CCDC85A: variants seen among roughly 807,000 people sequenced by gnomAD.
CCDC85A encodes coiled-coil domain-containing protein 85A.
CCDC85A carries 38 observed loss-of-function variants against 50.2 expected under a neutral mutation model. The observed-to-expected ratio is 0.76, with a 90% CI of 0.58 to 0.99. CCDC85A has a LOEUF of 0.99. Ranked by LOEUF, CCDC85A falls within the 50% of genes least tolerant of loss-of-function variation. The pLI is 0.00. For missense variants in CCDC85A, 820 were observed against 742.0 expected, an observed-to-expected ratio of 1.11 and a Z score of -1.22; for synonymous variants, 366 against 301.4, an observed-to-expected ratio of 1.21 and a Z score of -2.22.
chr2:56,364,066 A>G (rs1000755069), intron 3 of CCDC85A, among the ~76,000 whole-genome samples: 3 of 152,214 alleles, frequency 2.0e-5, no homozygotes, highest in Non-Finnish European at 4.4e-5. Flanking sequence ...AGTTAATAAA[A>G]GTCAAGTATT....
At chr2:56,243,765 C>G (rs2103971989) in intron 2 of CCDC85A, among the ~76,000 whole-genome samples, 1 of 152,232 alleles carries the variant, frequency 6.6e-6, no homozygotes, top group South Asian at 2.1e-4. Flanking sequence ...CTTGTTTGTA[C>G]CTATCCTTCT....
chr2:56,374,496 T>A (rs908851700), intron 4 of CCDC85A, among the ~76,000 whole-genome samples: 1 of 152,176 alleles, frequency 6.6e-6, no homozygotes, highest in Non-Finnish European at 1.5e-5. Flanking sequence ...TCTCTTCTTA[T>A]CTCTAAAATG....
At chr2:56,188,716 C>T (rs1400023568) in intron 1 of CCDC85A, among the ~76,000 whole-genome samples, 5 of 152,244 alleles carry the variant, frequency 3.3e-5, no homozygotes, top group East Asian at 3.8e-4. Flanking sequence ...TTTCTTACTA[C>T]TGTAGGCTCT....
At chr2:56,230,017 T>C (rs1263275320) in intron 2 of CCDC85A, among the ~76,000 whole-genome samples, 4 of 152,198 alleles carry the variant, frequency 2.6e-5, no homozygotes, top group Non-Finnish European at 4.4e-5. Flanking sequence ...ATATTAATGA[T>C]GTCAGTAAAA....
chr2:56,196,469 G>A (rs1303989386), intron 2 of CCDC85A, among the ~76,000 whole-genome samples: 1 of 152,180 alleles, frequency 6.6e-6, no homozygotes, highest in African/African-American at 2.4e-5. Flanking sequence ...CTCAACTATT[G>A]AGAATGGGGG....
intron 3 of CCDC85A, among the ~76,000 whole-genome samples, chr2:56,366,375 A>T (rs1448330468): frequency 6.6e-6 from 1 of 152,212 alleles, no homozygotes; most frequent in Non-Finnish European, 1.5e-5. Context: ...TCCCACCAGC[A>T]GTGTGCAAGG....
chr2:56,244,257 C>T (rs774917688), intron 2 of CCDC85A, among the ~76,000 whole-genome samples: 7 of 152,114 alleles, frequency 4.6e-5, no homozygotes, highest in Non-Finnish European at 1.0e-4. Flanking sequence ...TATTCTGCAG[C>T]TAAACTGGCC....
intron 3 of CCDC85A, among the ~76,000 whole-genome samples, chr2:56,353,933 C>T (rs972784212): frequency 6.6e-6 from 1 of 152,180 alleles, no homozygotes; most frequent in Non-Finnish European, 1.5e-5. Flanking sequence ...TTTCCTCAGG[C>T]CACACCAGCC....
intron 2 of CCDC85A, among the ~76,000 whole-genome samples, chr2:56,264,582 A>C (rs553233228): frequency 5.9e-5 from 9 of 152,324 alleles, no homozygotes; most frequent in South Asian, 2.1e-4. Context: ...GCATTATTAC[A>C]GTAGCCTTTG....
chr2:56,255,156 A>T (rs934488110), intron 2 of CCDC85A, among the ~76,000 whole-genome samples: 3 of 152,174 alleles, frequency 2.0e-5, no homozygotes, highest in Non-Finnish European at 2.9e-5. Flanking sequence ...CCCATGGTCC[A>T]TTGGCCAGAC....
chr2:56,256,700 C>T (rs1669998515), intron 2 of CCDC85A, among the ~76,000 whole-genome samples: 1 of 152,178 alleles, frequency 6.6e-6, no homozygotes, highest in African/African-American at 2.4e-5. Flanking sequence ...ACTCCCTTGC[C>T]CAGGCAGATA....
chr2:56,199,205 G>A (rs561427451), intron 2 of CCDC85A, among the ~76,000 whole-genome samples: 15 of 152,274 alleles, frequency 9.9e-5, no homozygotes, highest in South Asian at 6.2e-4. Context: ...AGGGTCAAAT[G>A]AATCAGACAC....
chr2:56,329,757 A>T (rs1244928839), intron 2 of CCDC85A, among the ~76,000 whole-genome samples: 1 of 152,116 alleles, frequency 6.6e-6, no homozygotes, highest in East Asian at 1.9e-4. Flanking sequence ...GTTCAAATTA[A>T]TGATGCTTTG....
At chr2:56,353,909 C>G (rs1229114851) in intron 3 of CCDC85A, among the ~76,000 whole-genome samples, 1 of 152,188 alleles carries the variant, frequency 6.6e-6, no homozygotes, top group African/African-American at 2.4e-5. Flanking sequence ...CATAGCGTTA[C>G]TGAGTAGACT....
intron 2 of CCDC85A, among the ~76,000 whole-genome samples, chr2:56,308,330 GAACGTTCATCAACA>G (rs1242060245): frequency 2.0e-5 from 3 of 152,176 alleles, no homozygotes; most frequent in African/African-American, 7.2e-5. Flanking sequence ...AGTGTTGGGG[GAACGTTCATCAACA>G]AATTTATCCA....
At chr2:56,270,479 C>T (rs1472464596) in intron 2 of CCDC85A, among the ~76,000 whole-genome samples, 3 of 151,894 alleles carry the variant, frequency 2.0e-5, no homozygotes, top group African/African-American at 7.3e-5. Flanking sequence ...ATTTAAACAC[C>T]CTGGATGAAA....
intron 5 of CCDC85A, among the ~76,000 whole-genome samples, chr2:56,377,007 A>G (rs1164066541): frequency 1.3e-5 from 2 of 152,252 alleles, no homozygotes; most frequent in East Asian, 1.9e-4. Flanking sequence ...TCACTTTGAG[A>G]TGATGAAGTT....
intron 2 of CCDC85A, among the ~76,000 whole-genome samples, chr2:56,232,303 C>T (rs1376687053): frequency 6.6e-6 from 1 of 152,138 alleles, no homozygotes; most frequent in African/African-American, 2.4e-5. Flanking sequence ...CCCCCTGAGA[C>T]TGCTGATATT....
At chr2:56,267,377 T>A (rs541932050) in intron 2 of CCDC85A, among the ~76,000 whole-genome samples, 1 of 152,244 alleles carries the variant, frequency 6.6e-6, no homozygotes, top group Non-Finnish European at 1.5e-5. Context: ...TGATTAAATA[T>A]GTTGGGAATG....
Sources: gnomAD v4.1 joint callset for allele counts (sites outside exome capture counted in the v4.1 genomes callset) on GRCh38, gnomAD v4.1.1 for gene constraint, MANE v1.5 for transcripts, NCBI Gene and HGNC (gene_info 2026-07-23, HGNC 2026-07-21) for gene names.